RPS17: variants seen among roughly 807,000 people sequenced by gnomAD.
RPS17 encodes small ribosomal subunit protein eS17.
For missense variants in RPS17, 68 were observed against 182.3 expected (o/e 0.37, Z 3.61); for synonymous variants, 75 against 65.6 (o/e 1.14, Z -0.70).
chr15:82,537,949 A>T (rs1818073794), intron 4 of RPS17: 1 of 462,168 alleles, frequency 2.2e-6, no homozygotes, highest in Non-Finnish European at 4.3e-6. Flanking sequence ...CTCATTTCTG[A>T]GTGGTTAGCA....
At chr15:82,537,821 C>T (rs1294798210) in intron 4 of RPS17, 2 of 454,056 alleles carry the variant, frequency 4.4e-6, no homozygotes, top group East Asian at 6.9e-5. Flanking sequence ...GAAGCCCATG[C>T]TTTCACCCAA....
At chr15:82,540,267 G>A in intron 1 of RPS17, 135 bp from the exon 2 acceptor site, 5 of 1,602,110 alleles carry the variant, frequency 3.1e-6, no homozygotes, top group Non-Finnish European at 4.3e-6. Context: ...AACAGTGCCG[G>A]GCGCCGGGCT....
At chr15:82,540,364 C>A in intron 1 of RPS17, 62 bp downstream of exon 1, 3 of 1,586,058 alleles carry the variant, frequency 1.9e-6, no homozygotes, top group East Asian at 2.3e-5. Context: ...GGCTGAGGAC[C>A]GCGGGAAGCT....
At chr15:82,537,059 C>G in intron 4 of RPS17, 178 bp from the exon 5 acceptor site, 1 of 708,138 alleles carries the variant, frequency 1.4e-6, no homozygotes, top group Non-Finnish European at 2.6e-6. Context: ...AGTGATCTTC[C>G]TTCAACACAC....
At chr15:82,539,937 A>G in intron 2 of RPS17, 44 bp downstream of exon 2, 3 of 1,611,908 alleles carry the variant, frequency 1.9e-6, no homozygotes, top group Admixed American at 3.3e-5. Flanking sequence ...CAGAGCACAC[A>G]AACAGATCGC....
intron 1 of RPS17, 66 bp from the exon 2 acceptor site, chr15:82,540,198 AG>A: frequency 6.2e-7 from 1 of 1,612,688 alleles, no homozygotes; most frequent in South Asian, 1.1e-5. Flanking sequence ...TGCGGCGCCG[AG>A]CCCCGGCCGG....
chr15:82,538,229 G>T, intron 4 of RPS17, 77 bp downstream of exon 4: 1 of 1,519,026 alleles, frequency 6.6e-7, no homozygotes, highest in Non-Finnish European at 9.1e-7. Flanking sequence ...TTACTAGCTG[G>T]GTGACCTTGG....
intron 2 of RPS17, 148 bp downstream of exon 2, chr15:82,539,833 G>A: frequency 7.3e-7 from 1 of 1,378,464 alleles, no homozygotes; most frequent in South Asian, 1.2e-5. Flanking sequence ...CAGAAATCCT[G>A]CACACGCAGA....
At chr15:82,538,605 C>A in intron 3 of RPS17, 1 of 658,476 alleles carries the variant, frequency 1.5e-6, no homozygotes, top group Non-Finnish European at 2.7e-6. Context: ...GTGTTTACAC[C>A]AAAGAATACT....
intron 3 of RPS17, 145 bp downstream of exon 3, chr15:82,538,735 G>A: frequency 2.4e-6 from 2 of 841,738 alleles, no homozygotes; most frequent in Admixed American, 3.8e-5. Flanking sequence ...TAAGAAACTG[G>A]TAGGGGGCCT....
intron 4 of RPS17, chr15:82,537,941 C>T (rs921921214): frequency 3.3e-5 from 15 of 460,794 alleles, no homozygotes; most frequent in African/African-American, 3.0e-4. Context: ...GACCAAAGCT[C>T]ATTTCTGAGT....
chr15:82,540,262 T>TGCCGGGC, intron 1 of RPS17, 130 bp from the exon 2 acceptor site: 1 of 1,602,438 alleles, frequency 6.2e-7, no homozygotes, highest in South Asian at 1.1e-5. Flanking sequence ...GGCTAAACAG[T>TGCCGGGC]GCCGGGCGCC....
chr15:82,538,842 G>A, intron 3 of RPS17, 38 bp downstream of exon 3: 1 of 1,600,256 alleles, frequency 6.2e-7, no homozygotes, highest in Non-Finnish European at 8.6e-7. Flanking sequence ...TTTATCATTT[G>A]AGGATTAGCC....
intron 2 of RPS17, 142 bp downstream of exon 2, chr15:82,539,839 G>T: frequency 7.1e-7 from 1 of 1,400,830 alleles, no homozygotes; most frequent in Non-Finnish European, 1.0e-6. Context: ...TCCTGCACAC[G>T]CAGAGCTCTA....
At chr15:82,537,154 T>A (rs2034254466) in intron 4 of RPS17, 1 of 547,672 alleles carries the variant, frequency 1.8e-6, no homozygotes, top group Admixed American at 3.1e-5. Flanking sequence ...CACAACCCCT[T>A]CCTATCAATC....
At chr15:82,539,948 G>C in intron 2 of RPS17, 33 bp downstream of exon 2, 1 of 1,612,050 alleles carries the variant, frequency 6.2e-7, no homozygotes, top group Non-Finnish European at 8.5e-7. Context: ...AACAGATCGC[G>C]GAGCCCCGGA....
intron 4 of RPS17, chr15:82,537,190 T>G (rs1365949488): frequency 1.1e-5 from 5 of 475,692 alleles, no homozygotes; most frequent in African/African-American, 2.0e-5. Context: ...TTCTCAATCT[T>G]GGCAACGTAG....
chr15:82,539,708 G>T (rs1181977390), intron 2 of RPS17: 8 of 592,174 alleles, frequency 1.4e-5, no homozygotes, highest in Middle Eastern at 9.0e-4. Context: ...AGAAAAAAAA[G>T]AAAGAAAAAA....
In RPS17 at chr15:82,539,991, T is replaced by G; in HGVS notation, c.145A>C (p.Lys49Gln). Residue 49 changes from lysine (K) to glutamine (Q), a missense_variant, in exon 2 of 5, where the codon AAG becomes CAG. By Grantham distance (53) the Lys-to-Gln change is moderately conservative (BLOSUM62 1). Coordinates refer to ENST00000647841, the MANE Select transcript of RPS17 (RefSeq NM_001021.6). ...AIIPSKKLRNKIAGYVTHLMK... is the reference protein window; with the variant it reads ...AIIPSKKLRNQIAGYVTHLMK... The stretch of plus-strand genomic sequence containing the variant: ...GAAGGCCCGACTCACCCTGCTATCT[T>G]GTTGCGGAGCTTTTTGCTGGGGATA... 6.2e-7 allele frequency: 1 copy of G among 1,612,084 alleles called. No homozygotes were observed. The highest frequency in any genetic ancestry group is 1.1e-5 in the South Asian group (1 of 90,984).
Sources: gnomAD v4.1 joint callset for allele counts on GRCh38, gnomAD v4.1.1 for gene constraint, MANE v1.5 for transcripts, NCBI Gene and HGNC (gene_info 2026-07-23, HGNC 2026-07-21) for gene names.